IL1RAPL2: variants seen among roughly 807,000 people sequenced by gnomAD.
The protein encoded by IL1RAPL2 is X-linked interleukin-1 receptor accessory protein-like 2.
A neutral mutation model predicts 44.1 loss-of-function variants in IL1RAPL2; 3 were observed. The observed-to-expected ratio is 0.07, with a 90% CI of 0.03 to 0.18. IL1RAPL2 has a LOEUF of 0.18. IL1RAPL2 is among the 10% of genes least tolerant of loss of function. The pLI is 1.00. For synonymous variants in IL1RAPL2, 181 were observed against 178.8 expected (o/e 1.01, Z -0.10); for missense variants, 391 against 496.4 (o/e 0.79, Z 2.02).
chrX:104,713,960 T>G (rs1931508384), intron 2 of IL1RAPL2, among the ~76,000 whole-genome samples: 1 of 111,227 alleles, frequency 9.0e-6, no homozygotes, highest in Non-Finnish European at 1.9e-5. Flanking sequence ...ATTTTTGATA[T>G]AGGTGAATAA....
intron 5 of IL1RAPL2, among the ~76,000 whole-genome samples, chrX:105,274,002 G>C (rs892219450): frequency 2.7e-5 from 3 of 111,803 alleles, no homozygotes; most frequent in African/African-American, 9.7e-5. Context: ...CCAATTCTCA[G>C]ATGTAGCTTT....
chrX:104,795,504 T>C (rs1381677365), intron 2 of IL1RAPL2, among the ~76,000 whole-genome samples: 1 of 110,860 alleles, frequency 9.0e-6, no homozygotes, highest in Non-Finnish European at 1.9e-5. Flanking sequence ...TGTGTCTTTT[T>C]TTCCTTTCAT....
At chrX:104,983,668 CATA>C (rs1227977607) in intron 2 of IL1RAPL2, among the ~76,000 whole-genome samples, 2 of 96,603 alleles carry the variant, frequency 2.1e-5, no homozygotes, top group African/African-American at 3.7e-5. Context: ...ATAATATATA[CATA>C]ATATTATATA....
At chrX:105,407,578 A>C (rs2035657389) in intron 5 of IL1RAPL2, among the ~76,000 whole-genome samples, 1 of 111,721 alleles carries the variant, frequency 9.0e-6, no homozygotes, top group South Asian at 3.8e-4. Context: ...TACCATATGA[A>C]TATGGTGAGA....
At chrX:104,582,606 TTCTTTCTTTCTTTCTTTC>T (rs1928386259) in intron 1 of IL1RAPL2, among the ~76,000 whole-genome samples, 1 of 39,868 alleles carries the variant, frequency 2.5e-5, no homozygotes, top group Non-Finnish European at 5.4e-5. Context: ...TTTTCTTTCT[TTCTTTCTTTCTTTCTTTC>T]TTTCTTTCTT....
rs186102183 is a variant in IL1RAPL2, at chrX:105,037,478, C to T, written c.83-157997C>T. On this transcript the variant is annotated intron_variant, in intron 2 of 10. Transcript: ENST00000372582. ...AGGGAGCTCAGGATGAGCAGAAGGG[C>T]GGGGAAGCAATATTCATTAAGCACC... Among the ~76,000 whole-genome samples the T allele has an allele frequency of 1.8e-4, 20 of 110,779 alleles. No individual in the cohort carries two copies. In the South Asian group the frequency reaches 6.6e-3, roughly 37 times the overall value.
chrX:104,782,877 C>A (rs1269385388), intron 2 of IL1RAPL2, among the ~76,000 whole-genome samples: 1 of 111,828 alleles, frequency 8.9e-6, no homozygotes, highest in Non-Finnish European at 1.9e-5. Flanking sequence ...TGTATAGATG[C>A]TCTCCCATAG....
chrX:104,814,455 C>T (rs1174311453), intron 2 of IL1RAPL2, among the ~76,000 whole-genome samples: 1 of 112,175 alleles, frequency 8.9e-6, no homozygotes, highest in Non-Finnish European at 1.9e-5. Context: ...GGGACTATAA[C>T]CATACTTATA....
chrX:105,363,310 T>TATATATATATA (rs2035267152), intron 5 of IL1RAPL2, among the ~76,000 whole-genome samples: 1 of 73,866 alleles, frequency 1.4e-5, no homozygotes, highest in African/African-American at 6.3e-5. Context: ...ATATATATAA[T>TATATATATATA]ATATATATAT....
chrX:105,420,969 C>A (rs2035769834), intron 5 of IL1RAPL2, among the ~76,000 whole-genome samples: 1 of 111,836 alleles, frequency 8.9e-6, no homozygotes, highest in Non-Finnish European at 1.9e-5. Context: ...ACTGTGAACC[C>A]CAGAAATCTA....
At chrX:104,612,259 C>G (rs956641998) in intron 1 of IL1RAPL2, among the ~76,000 whole-genome samples, 1 of 111,817 alleles carries the variant, frequency 8.9e-6, no homozygotes, top group Non-Finnish European at 1.9e-5. Context: ...AATTCTTTCC[C>G]AAAGCCAATG....
chrX:105,501,911 C>A (rs1273426969), intron 6 of IL1RAPL2, among the ~76,000 whole-genome samples: 1 of 111,401 alleles, frequency 9.0e-6, no homozygotes, highest in African/African-American at 3.3e-5. Context: ...CAGAAAGTAG[C>A]GCACATTACT....
intron 1 of IL1RAPL2, among the ~76,000 whole-genome samples, chrX:104,582,628 CTT>C (rs1163073361): frequency 1.2e-3 from 74 of 63,175 alleles, no homozygotes; most frequent in African/African-American, 5.8e-3. Context: ...TTCTTTCTTT[CTT>C]TCTTTCTTTC....
chrX:105,366,152 G>T (rs1451800689), intron 5 of IL1RAPL2, among the ~76,000 whole-genome samples: 1 of 110,344 alleles, frequency 9.1e-6, no homozygotes, highest in Non-Finnish European at 1.9e-5. Context: ...TTATAATATT[G>T]TCCAGGCTGG....
At chrX:105,673,981 C>A (rs1218313889) in intron 6 of IL1RAPL2, among the ~76,000 whole-genome samples, 2 of 111,200 alleles carry the variant, frequency 1.8e-5, no homozygotes, top group African/African-American at 6.6e-5. Flanking sequence ...TGAGAAGTGT[C>A]TGTTCATGTT....
At chrX:105,222,183 C>G (rs2033971949) in intron 3 of IL1RAPL2, among the ~76,000 whole-genome samples, 1 of 111,945 alleles carries the variant, frequency 8.9e-6, no homozygotes, top group Admixed American at 9.5e-5. Flanking sequence ...CTAAGCCATA[C>G]AGGGATACAC....
intron 3 of IL1RAPL2, among the ~76,000 whole-genome samples, chrX:105,216,158 G>C (rs1336208428): frequency 9.0e-6 from 1 of 111,419 alleles, no homozygotes; most frequent in Non-Finnish European, 1.9e-5. Context: ...TAGGAAGAGA[G>C]GAAGTCAAAT....
Position 105,195,664 on chromosome X carries a change from A to G in IL1RAPL2, c.272A>G (p.Glu91Gly), listed in dbSNP as rs782136535. The G allele has an allele frequency of 8.3e-7, 1 of 1,211,194 alleles. No homozygotes were observed. Residue 91 changes from glutamate to glycine, a missense_variant, in exon 3 of 11, where the codon GAG becomes GGG. Transcript: ENST00000372582. ...TTGGAAGAGCCCATCATCTTTTCAG[A>G]GGTCAGGATGAGCAAAGAGGAAGAT... ...GDLEEPIIFS[E>G]VRMSKEEDSI...
At chrX:104,894,852 G>T (rs1331822503) in intron 2 of IL1RAPL2, among the ~76,000 whole-genome samples, 1 of 112,203 alleles carries the variant, frequency 8.9e-6, no homozygotes, top group Admixed American at 9.4e-5. Flanking sequence ...TTTGGAGGGG[G>T]AGAGGCACTC....
Sources: allele counts gnomAD v4.1 joint callset (sites outside exome capture counted in the v4.1 genomes callset), GRCh38; gene constraint gnomAD v4.1.1; transcripts MANE v1.5; gene names NCBI Gene and HGNC (gene_info 2026-07-23, HGNC 2026-07-21).